The following ANKRD27 variants were observed in gnomAD, a reference collection of about 807,000 sequenced individuals.
ANKRD27 encodes ankyrin repeat domain-containing protein 27.
In ANKRD27, 112 loss-of-function variants were observed where a neutral mutation model predicts 129.7. That is an observed-to-expected ratio of 0.86 (90% CI 0.74 to 1.01). ANKRD27 has a LOEUF of 1.01. Among genes scored for constraint, ANKRD27 ranks in the 50% least tolerant of loss-of-function variants. The pLI, the probability that ANKRD27 is intolerant of heterozygous loss-of-function variation, is 0.00. For missense variants in ANKRD27, 1,258 were observed against 1,300.5 expected (o/e 0.97, Z 0.50); for synonymous variants, 516 against 511.2 (o/e 1.01, Z -0.13).
At chr19:32,666,228 A>T (rs1967752153) in intron 1 of ANKRD27, 1 of 152,220 alleles carries the variant, frequency 6.6e-6, no homozygotes, top group East Asian at 1.9e-4. Context: ...GGTTGCTAAA[A>T]TTAGATTGCT....
intron 23 of ANKRD27, among the ~76,000 whole-genome samples, chr19:32,606,939 C>CAAAAAAAAAAAAAAAAAAAAAAAAAA (rs532062312): frequency 3.0e-5 from 2 of 65,648 alleles, no homozygotes; most frequent in South Asian, 7.3e-4. Context: ...CCCATCTCCA[C>CAAAAAAAAAAAAAAAAAAAAAAAAAA]AAAAAAAAAA....
intron 12 of ANKRD27, chr19:32,638,433 C>G (rs752100133): frequency 6.6e-6 from 1 of 152,254 alleles, no homozygotes; most frequent in Non-Finnish European, 1.5e-5. Flanking sequence ...CTCCACTAGT[C>G]TACGTACCTC....
chr19:32,604,720 G>A (rs1971705861), intron 24 of ANKRD27, among the ~76,000 whole-genome samples: 1 of 152,120 alleles, frequency 6.6e-6, no homozygotes, highest in African/African-American at 2.4e-5. Flanking sequence ...AAAAATCAAA[G>A]TTTGAGTAAA....
chr19:32,673,572 C>T (rs1214829959), intron 1 of ANKRD27: 1 of 458,504 alleles, frequency 2.2e-6, no homozygotes, highest in Non-Finnish European at 2.9e-6. Context: ...CCAAAGCTTC[C>T]CCCGAAGGGA....
Position 32,619,819 on chromosome 19 carries a change from C to T in ANKRD27, c.1828-266G>A, listed in dbSNP as rs1310951431. On this transcript the variant is annotated intron_variant, in intron 18 of 28. Coordinates refer to ENST00000306065, the MANE Select transcript of ANKRD27 (RefSeq NM_032139.3). ...CCGTGGGAGGGCTCAGGGCTTCCCACGCATGGACGCAAGGGATAAGAGAAG... is the reference window on the plus strand; with the variant it reads ...CCGTGGGAGGGCTCAGGGCTTCCCATGCATGGACGCAAGGGATAAGAGAAG... Among the ~76,000 whole-genome samples the T allele has an allele frequency of 4.6e-5, 7 of 152,218 alleles. No individual in the cohort carries two copies. In the East Asian group the frequency reaches 5.8e-4, roughly 13 times the overall value.
intron 28 of ANKRD27, among the ~76,000 whole-genome samples, chr19:32,599,292 TA>T (rs1434074410): frequency 6.6e-6 from 1 of 150,570 alleles, no homozygotes; most frequent in African/African-American, 2.4e-5. Flanking sequence ...AATAAATAAA[TA>T]AAAAAATGTA....
chr19:32,666,340 C>T (rs1347787279), intron 1 of ANKRD27: 1 of 152,198 alleles, frequency 6.6e-6, no homozygotes, highest in African/African-American at 2.4e-5. Flanking sequence ...CTACCACTAC[C>T]ATCAGAACTG....
At position 32,602,041 on chromosome 19, in the gene ANKRD27, T is replaced by A. The variant is rs760175601; in HGVS notation, c.2741A>T (p.Tyr914Phe). 1 of 1,613,742 alleles carries A rather than the reference T, an allele frequency of 6.2e-7. No individual in the cohort carries two copies. The highest frequency in any genetic ancestry group is 8.5e-7 in the Non-Finnish European group (1 of 1,179,712). ...DDVAETDRKE[Y>F]VTVKIRKKWN... ...TTTTTTCCTGATCTTAACAGTGACA[T>A]ACTCCTTGCGGTCAGTTTCAGCCAC... is the stretch of plus-strand genomic sequence containing the variant. The change falls in exon 26 of 29, where the codon TAT (tyrosine) becomes TTT (phenylalanine). Residue 914 changes from tyrosine to phenylalanine, a missense_variant. Physicochemically the swap from Tyr to Phe is conservative, Grantham distance 22. Transcript: ENST00000306065.
At chr19:32,641,913 G>A in intron 10 of ANKRD27, 111 bp downstream of exon 10, 1 of 1,324,860 alleles carries the variant, frequency 7.5e-7, no homozygotes, top group South Asian at 1.7e-5. Context: ...GGTTACAGAG[G>A]TGAGCCACTG....
chr19:32,657,102 C>T (rs1359748804), intron 2 of ANKRD27, among the ~76,000 whole-genome samples: 1 of 151,570 alleles, frequency 6.6e-6, no homozygotes, highest in Non-Finnish European at 1.5e-5. Context: ...TGGAGGTGGG[C>T]GGATAACTTG....
chr19:32,670,952 C>T (rs10419234), intron 1 of ANKRD27, among the ~76,000 whole-genome samples: 11,233 of 151,994 alleles, frequency 0.074, 709 homozygotes, highest in East Asian at 0.17. Context: ...CACCATTGCA[C>T]TCCAGTCTGT....
chr19:32,639,799 GACAC>G (rs1967161250), intron 11 of ANKRD27, among the ~76,000 whole-genome samples: 1 of 152,176 alleles, frequency 6.6e-6, no homozygotes, highest in Non-Finnish European at 1.5e-5. Flanking sequence ...CCACTGTCTA[GACAC>G]TCATTCCAGA....
intron 15 of ANKRD27, among the ~76,000 whole-genome samples, chr19:32,627,869 G>GT (rs1966918485): frequency 6.6e-6 from 1 of 152,228 alleles, no homozygotes; most frequent in Non-Finnish European, 1.5e-5. Flanking sequence ...ACCCACGCAG[G>GT]GGGGCTCAGC....
intron 1 of ANKRD27, among the ~76,000 whole-genome samples, chr19:32,674,722 G>A (rs946674923): frequency 6.6e-6 from 1 of 151,644 alleles, no homozygotes; most frequent in African/African-American, 2.4e-5. Flanking sequence ...ACCGCGCGGC[G>A]ACCGCCCCGC....
intron 1 of ANKRD27, among the ~76,000 whole-genome samples, chr19:32,660,183 C>A (rs1297027162): frequency 6.6e-6 from 1 of 152,244 alleles, no homozygotes; most frequent in African/African-American, 2.4e-5. Context: ...AAAATACTAA[C>A]CCGCTAGGCG....
chr19:32,610,179 G>A (rs1012257063), intron 22 of ANKRD27, among the ~76,000 whole-genome samples: 2 of 152,044 alleles, frequency 1.3e-5, no homozygotes, highest in East Asian at 1.9e-4. Flanking sequence ...GCATGGTGGC[G>A]CATGCCTGTA....
In ANKRD27 at chr19:32,644,492, CA is replaced by C. The variant is rs1485440748; in HGVS notation, c.371-14del. ...GCCAAAGGCTCTTCTGAAAAAGAAA[CA>C]AACAGGTCAGGCCGGCTGAAGCCTC... is the stretch of plus-strand genomic sequence containing the variant. On this transcript the variant is annotated splice_polypyrimidine_tract_variant and intron_variant, in intron 4 of 28. Coordinates refer to ENST00000306065, the MANE Select transcript of ANKRD27 (RefSeq NM_032139.3). 6.2e-7 allele frequency: 1 copy of C among 1,612,002 alleles called. No individual in the cohort carries two copies. The highest frequency in any genetic ancestry group is 1.7e-5 in the Admixed American group (1 of 59,986).
intron 24 of ANKRD27, 129 bp from the exon 25 acceptor site, chr19:32,604,553 G>A (rs1485210603): frequency 9.7e-7 from 1 of 1,031,774 alleles, no homozygotes. Context: ...CTTAAAATTT[G>A]GGGAGGAAAA....
chr19:32,639,200 A>G, intron 12 of ANKRD27, 156 bp downstream of exon 12: 1 of 842,634 alleles, frequency 1.2e-6, no homozygotes. Context: ...TGTTCTCTTC[A>G]CTGAGTGATT....
Sources: allele counts gnomAD v4.1 joint callset (sites outside exome capture counted in the v4.1 genomes callset), GRCh38; gene constraint gnomAD v4.1.1; transcripts MANE v1.5; gene names NCBI Gene and HGNC (gene_info 2026-07-23, HGNC 2026-07-21).